SORCS1: variants seen among roughly 807,000 people sequenced by gnomAD.
SORCS1 encodes VPS10 domain-containing receptor SorCS1.
In SORCS1, 60 loss-of-function variants were observed where a neutral mutation model predicts 146.1. That is an observed-to-expected ratio of 0.41 (90% CI 0.33 to 0.51). SORCS1 has a LOEUF of 0.51. Among genes scored for constraint, SORCS1 ranks in the 20% least tolerant of loss-of-function variants. The probability of loss-of-function intolerance (pLI) is 0.21; values close to 1 mark genes in which losing one functional copy is unlikely to be tolerated. For synonymous variants in SORCS1, 637 were observed against 584.0 expected, an observed-to-expected ratio of 1.09 and a Z score of -1.31; for missense variants, 1,352 against 1,487.6, an observed-to-expected ratio of 0.91 and a Z score of 1.50.
chr10:107,099,924 G>A (rs1336092854), intron 1 of SORCS1, among the ~76,000 whole-genome samples: 2 of 152,184 alleles, frequency 1.3e-5, no homozygotes, highest in Admixed American at 1.3e-4. Context: ...ATAACATGCA[G>A]TTTCAACAGA....
At chr10:107,139,494 G>A (rs1330269602) in intron 1 of SORCS1, among the ~76,000 whole-genome samples, 1 of 152,170 alleles carries the variant, frequency 6.6e-6, no homozygotes, top group Non-Finnish European at 1.5e-5. Context: ...AATTCTAGGG[G>A]ATGCCAGAGA....
At chr10:106,649,368 G>C (rs959146780) in intron 18 of SORCS1, among the ~76,000 whole-genome samples, 1 of 152,126 alleles carries the variant, frequency 6.6e-6, no homozygotes, top group Admixed American at 6.5e-5. Flanking sequence ...TTTGAGCAGT[G>C]GGACACTGAA....
chr10:106,972,550 TAA>T (rs1172888279), intron 1 of SORCS1, among the ~76,000 whole-genome samples: 1 of 151,300 alleles, frequency 6.6e-6, no homozygotes, highest in Non-Finnish European at 1.5e-5. Context: ...TTTTTGGCCG[TAA>T]AGTTTGAGTG....
At chr10:106,768,122 T>C (rs1307123894) in intron 4 of SORCS1, among the ~76,000 whole-genome samples, 1 of 152,230 alleles carries the variant, frequency 6.6e-6, no homozygotes, top group East Asian at 1.9e-4. Flanking sequence ...GCATTTCAGC[T>C]TGAGAATTCG....
At chr10:106,931,247 TTAAC>T (rs1249125286) in intron 2 of SORCS1, among the ~76,000 whole-genome samples, 2 of 152,200 alleles carry the variant, frequency 1.3e-5, no homozygotes, top group Non-Finnish European at 2.9e-5. Flanking sequence ...TGGCTGTTAA[TTAAC>T]TAATTCAATG....
chr10:107,147,491 T>C (rs987792846), intron 1 of SORCS1, among the ~76,000 whole-genome samples: 2 of 152,184 alleles, frequency 1.3e-5, no homozygotes, highest in African/African-American at 4.8e-5. Flanking sequence ...TCTACGCTTC[T>C]TTCTCTCTCT....
chr10:107,011,491 C>A (rs1213912185), intron 1 of SORCS1, among the ~76,000 whole-genome samples: 1 of 152,182 alleles, frequency 6.6e-6, no homozygotes, highest in Non-Finnish European at 1.5e-5. Context: ...TTTGCTTCTG[C>A]CCTGCAAGCT....
chr10:107,068,099 T>C (rs1962062670), intron 1 of SORCS1, among the ~76,000 whole-genome samples: 1 of 152,114 alleles, frequency 6.6e-6, no homozygotes, highest in African/African-American at 2.4e-5. Context: ...CAAAATGATG[T>C]TACTGAGAGG....
At chr10:106,989,690 T>TTG (rs1956680455) in intron 1 of SORCS1, among the ~76,000 whole-genome samples, 1 of 140,330 alleles carries the variant, frequency 7.1e-6, no homozygotes, top group African/African-American at 2.8e-5. Context: ...GTTTTTTTTT[T>TTG]TTTTTTTTTT....
intron 2 of SORCS1, among the ~76,000 whole-genome samples, chr10:106,900,429 G>A (rs1372458581): frequency 3.3e-5 from 5 of 152,166 alleles, no homozygotes; most frequent in African/African-American, 7.2e-5. Context: ...CAAGAGTCTC[G>A]CTCCCCTTCA....
At chr10:106,671,419 C>T in intron 15 of SORCS1, 52 bp from the exon 16 acceptor site, 2 of 1,609,524 alleles carry the variant, frequency 1.2e-6, no homozygotes, top group East Asian at 2.2e-5. Flanking sequence ...TGGACTTTCT[C>T]TGCTCCACAT....
At chr10:106,725,171 A>G (rs905059267) in intron 6 of SORCS1, among the ~76,000 whole-genome samples, 27 of 152,120 alleles carry the variant, frequency 1.8e-4, no homozygotes, top group Non-Finnish European at 3.7e-4. Flanking sequence ...AAATAAAAAC[A>G]TTATATTATT....
At chr10:106,982,690 T>A (rs983345925) in intron 1 of SORCS1, among the ~76,000 whole-genome samples, 4 of 152,184 alleles carry the variant, frequency 2.6e-5, no homozygotes, top group Non-Finnish European at 5.9e-5. Flanking sequence ...GGAATCACTA[T>A]TACAGGTAAA....
At chr10:106,928,285 G>A (rs1029450945) in intron 2 of SORCS1, among the ~76,000 whole-genome samples, 4 of 152,334 alleles carry the variant, frequency 2.6e-5, no homozygotes, top group East Asian at 1.9e-4. Flanking sequence ...GAAATCGAGC[G>A]CAGCGCCGGT....
intron 2 of SORCS1, among the ~76,000 whole-genome samples, chr10:106,908,435 C>T (rs997660447): frequency 3.0e-4 from 46 of 152,176 alleles, no homozygotes; most frequent in African/African-American, 6.8e-4. Context: ...AGGAGCCCTC[C>T]GCTGGATCCT....
intron 2 of SORCS1, among the ~76,000 whole-genome samples, chr10:106,886,924 G>A (rs1410747811): frequency 6.6e-6 from 1 of 152,178 alleles, no homozygotes; most frequent in Non-Finnish European, 1.5e-5. Flanking sequence ...ACTATGCCAG[G>A]CACTAAGCAG....
chr10:107,014,253 CAAAAAAA>C (rs562179526), intron 1 of SORCS1, among the ~76,000 whole-genome samples: 9 of 79,342 alleles, frequency 1.1e-4, no homozygotes, highest in Middle Eastern at 0.012. Flanking sequence ...GACCCTGCGT[CAAAAAAA>C]AAAAAAAAAA....
intron 6 of SORCS1, among the ~76,000 whole-genome samples, chr10:106,712,681 AATG>A (rs1309937705): frequency 6.6e-6 from 1 of 152,200 alleles, no homozygotes; most frequent in African/African-American, 2.4e-5. Context: ...TATGATTAAG[AATG>A]ATAATATTTC....
At chr10:106,665,370 C>CT (rs1028937353) in intron 17 of SORCS1, among the ~76,000 whole-genome samples, 4 of 149,160 alleles carry the variant, frequency 2.7e-5, no homozygotes, top group African/African-American at 9.9e-5. Flanking sequence ...TCTTCCTTCC[C>CT]TTTTTTTTTC....
Sources: allele counts gnomAD v4.1 joint callset (sites outside exome capture counted in the v4.1 genomes callset), GRCh38; gene constraint gnomAD v4.1.1; transcripts MANE v1.5; gene names NCBI Gene and HGNC (gene_info 2026-07-23, HGNC 2026-07-21).